The following CDK14 variants were observed in gnomAD, a reference collection of about 807,000 sequenced individuals.
The protein encoded by CDK14 is cyclin-dependent kinase 14.
Under a neutral mutation model 60.7 loss-of-function variants are expected in CDK14, and 34 were observed. That is an observed-to-expected ratio of 0.56 (90% confidence interval 0.43 to 0.75). The LOEUF (loss-of-function observed/expected upper bound fraction) is 0.75. Among genes scored for constraint, CDK14 ranks in the 30% least tolerant of loss-of-function variants. The pLI, the probability that CDK14 is intolerant of heterozygous loss-of-function variation, is 0.00. For synonymous variants in CDK14, 197 were observed against 203.7 expected, an observed-to-expected ratio of 0.97 and a Z score of 0.28; for missense variants, 482 against 564.1, an observed-to-expected ratio of 0.85 and a Z score of 1.47.
intron 14 of CDK14, among the ~76,000 whole-genome samples, chr7:91,142,797 T>C (rs1230114721): frequency 6.6e-6 from 1 of 152,192 alleles, no homozygotes; most frequent in Non-Finnish European, 1.5e-5. Flanking sequence ...GAAAAGACTG[T>C]AACAAGTTTC....
rs1343812908 is a variant in CDK14, at chr7:91,209,135, A to C, written c.*1999A>C. The C allele has an allele frequency of 6.6e-6, 1 of 152,472 alleles. No individual in the cohort carries two copies. Among genetic ancestry groups the C allele is most frequent in the East Asian group, 1.9e-4 (1 of 5,196 alleles). 9.4% of individuals were successfully genotyped at this position (152,472 alleles called of 1,614,324 possible). ...CTTTGTATTTCACTAAGTTTAAAGC[A>C]AGAGCAACTGATGATTAAATGTTGC... On this transcript the variant is annotated 3_prime_UTR_variant, in exon 15 of 15. Coordinates refer to ENST00000380050, the MANE Select transcript of CDK14 (RefSeq NM_001287135.2).
chr7:90,918,458 A>G (rs761321529), intron 8 of CDK14, among the ~76,000 whole-genome samples: 9 of 152,200 alleles, frequency 5.9e-5, no homozygotes, highest in Non-Finnish European at 1.0e-4. Flanking sequence ...GGGAAGCACA[A>G]CCATTGCATG....
At chr7:90,709,032 C>G (rs781430974) in intron 2 of CDK14, among the ~76,000 whole-genome samples, 2 of 152,076 alleles carry the variant, frequency 1.3e-5, no homozygotes, top group African/African-American at 2.4e-5. Flanking sequence ...GTTGTGAGAT[C>G]TGGCTTGTTT....
intron 2 of CDK14, among the ~76,000 whole-genome samples, chr7:90,607,736 C>T (rs561650076): frequency 3.3e-5 from 5 of 152,098 alleles, no homozygotes; most frequent in Admixed American, 6.6e-5. Context: ...TTGCTGAAGG[C>T]GGTCATAGTT....
At chr7:90,846,253 G>T (rs956028206) in intron 5 of CDK14, among the ~76,000 whole-genome samples, 1 of 152,030 alleles carries the variant, frequency 6.6e-6, no homozygotes, top group African/African-American at 2.4e-5. Flanking sequence ...GTACTATAAG[G>T]TTCCACACTT....
chr7:90,817,120 C>G (rs1158319517), intron 5 of CDK14, among the ~76,000 whole-genome samples: 1 of 152,124 alleles, frequency 6.6e-6, no homozygotes, highest in African/African-American at 2.4e-5. Flanking sequence ...TGTGGTGGAA[C>G]TCTTCAAAAG....
chr7:91,019,661 T>C (rs2115866193), intron 10 of CDK14, among the ~76,000 whole-genome samples: 1 of 152,296 alleles, frequency 6.6e-6, no homozygotes, highest in African/African-American at 2.4e-5. Context: ...GGTTTTGTTA[T>C]TTTATCAAAA....
rs80310471 is a variant in CDK14, at chr7:90,839,593, C to T, written c.545-23582C>T. Among the ~76,000 whole-genome samples the T allele has an allele frequency of 3.7e-4, 57 of 152,236 alleles. 1 individual carries two copies. The East Asian group carries it at 0.01, about 27-fold the overall frequency. ...TTTAAAAACAAATGGCAAATTTGTG[C>T]CTCAGGAGTCTTGTGAAAACAACAT... On this transcript the variant is annotated intron_variant, in intron 5 of 14. Coordinates refer to ENST00000380050, the MANE Select transcript of CDK14 (RefSeq NM_001287135.2).
chr7:90,876,828 G>A (rs546809709), intron 6 of CDK14, among the ~76,000 whole-genome samples: 41 of 152,268 alleles, frequency 2.7e-4, no homozygotes, highest in Middle Eastern at 3.4e-3. Flanking sequence ...ACTTTTTGAC[G>A]TCAATTGTTG....
chr7:91,071,661 G>A (rs376925811), intron 11 of CDK14, among the ~76,000 whole-genome samples: 23 of 152,310 alleles, frequency 1.5e-4, no homozygotes, highest in East Asian at 1.2e-3. Flanking sequence ...TGGGAGGGCC[G>A]GCCATCACCA....
intron 6 of CDK14, among the ~76,000 whole-genome samples, chr7:90,891,642 A>G (rs1481529108): frequency 1.3e-5 from 2 of 152,262 alleles, no homozygotes; most frequent in Non-Finnish European, 2.9e-5. Context: ...CTAACTTTCA[A>G]GAGAGGATTT....
intron 6 of CDK14, among the ~76,000 whole-genome samples, chr7:90,893,040 A>C (rs1321101734): frequency 3.3e-5 from 5 of 152,164 alleles, no homozygotes; most frequent in African/African-American, 1.2e-4. Context: ...GGCCTCCCAG[A>C]GGATACTGAT....
intron 11 of CDK14, among the ~76,000 whole-genome samples, chr7:91,049,629 C>T (rs901442843): frequency 8.5e-5 from 13 of 152,176 alleles, no homozygotes; most frequent in Non-Finnish European, 2.9e-5. Flanking sequence ...TGCTTTATGG[C>T]TATGATCTAG....
At chr7:91,078,993 A>G (rs1798404112) in intron 11 of CDK14, among the ~76,000 whole-genome samples, 1 of 152,226 alleles carries the variant, frequency 6.6e-6, no homozygotes, top group Non-Finnish European at 1.5e-5. Context: ...AGCATGTATA[A>G]ATACCATACA....
intron 10 of CDK14, among the ~76,000 whole-genome samples, chr7:91,024,491 A>C (rs551629806): frequency 6.6e-6 from 1 of 152,244 alleles, no homozygotes; most frequent in African/African-American, 2.4e-5. Flanking sequence ...ATCTCTACCA[A>C]AATACAAAAC....
intron 10 of CDK14, among the ~76,000 whole-genome samples, chr7:91,016,190 A>T (rs1162755422): frequency 6.6e-6 from 1 of 152,142 alleles, no homozygotes; most frequent in Non-Finnish European, 1.5e-5. Context: ...GTAGGTTAGC[A>T]CTTCTTCCAT....
At chr7:90,663,529 A>G (rs1800907101) in intron 2 of CDK14, among the ~76,000 whole-genome samples, 1 of 152,080 alleles carries the variant, frequency 6.6e-6, no homozygotes, top group South Asian at 2.1e-4. Flanking sequence ...TCTTGTCTCC[A>G]TTTTTCTAGT....
intron 2 of CDK14, among the ~76,000 whole-genome samples, chr7:90,664,653 A>G (rs1017160785): frequency 6.6e-6 from 1 of 152,104 alleles, no homozygotes; most frequent in African/African-American, 2.4e-5. Flanking sequence ...CATGGATGAA[A>G]CTGGAAACCA....
chr7:91,122,569 C>T (rs1393610718), intron 14 of CDK14, among the ~76,000 whole-genome samples: 1 of 152,172 alleles, frequency 6.6e-6, no homozygotes, highest in Admixed American at 6.5e-5. Flanking sequence ...AGAACAGCCA[C>T]CTATTGCTCT....
Sources: allele counts gnomAD v4.1 joint callset (sites outside exome capture counted in the v4.1 genomes callset), GRCh38; gene constraint gnomAD v4.1.1; transcripts MANE v1.5; gene names NCBI Gene and HGNC (gene_info 2026-07-23, HGNC 2026-07-21).